Variants in ATG2A observed in about 807,000 individuals in gnomAD.
The protein encoded by ATG2A is autophagy-related protein 2 homolog A.
Under a neutral mutation model 214.2 loss-of-function variants are expected in ATG2A, and 103 were observed. The ratio of observed to expected loss-of-function variants is 0.48; its 90% CI spans 0.41 to 0.57. The LOEUF (loss-of-function observed/expected upper bound fraction) is 0.57. Among genes scored for constraint, ATG2A ranks in the 20% least tolerant of loss-of-function variants. The pLI is 0.00. For synonymous variants in ATG2A, 1,160 were observed against 1,142.1 expected (o/e 1.02, Z -0.32); for missense variants, 2,312 against 2,613.2 (o/e 0.88, Z 2.51).
rs377618342 is a variant in ATG2A at position 64,895,027 on chromosome 11, G to C, written c.5763C>G (p.Pro1921=). The C allele has an allele frequency of 5.0e-6, 8 of 1,613,084 alleles. No individual in the cohort carries two copies. In the African/African-American group the frequency reaches 1.1e-4, roughly 22 times the overall value. ...TGAGGGCGTGGTCCTTGTGGGCGTC[G>C]GGGACAATCTGGTTGCGCATGCCCC... ...LLGGMRNQIV[P]DAHKDHALKW... is the part of the protein sequence containing the mutation. The change falls in exon 41 of 41, where the codon CCC becomes CCG. Residue 1921 remains proline, a synonymous_variant. Transcript: ENST00000377264. The surrounding 1 kb of genome is among the most constrained non-coding windows in gnomAD (Gnocchi z 5.0).
Position 64,897,695 on chromosome 11 carries a change from G to T in ATG2A, c.5043C>A (p.Gly1681=). 1.2e-6 allele frequency: 2 copies of T among 1,614,260 alleles called. No individual in the cohort carries two copies. The highest frequency in any genetic ancestry group is 1.7e-5 in the Admixed American group (1 of 60,028). The change falls in exon 36 of 41, where the codon GGC becomes GGA. Residue 1681 remains glycine, a synonymous_variant. Coordinates refer to ENST00000377264, the MANE Select transcript of ATG2A (RefSeq NM_015104.3). ...SEVPIWLDYH[G]KHVTMDQVGT... ...CCACCTGGTCCATCGTGACGTGCTT[G>T]CCATGGTAATCCAGCCAGATGGGGA... is the stretch of plus-strand genomic sequence containing the variant.
rs776513162 is a variant in ATG2A at position 64,906,393 on chromosome 11, C to T, written c.3124G>A (p.Gly1042Arg). Reference sequence around the variant, plus strand: ...ACAGCAGTGGACAACATGTGGGGTCCCCGGCCCTGGCCCTTGCGGCCCGAG... The same window carrying T: ...ACAGCAGTGGACAACATGTGGGGTCTCCGGCCCTGGCCCTTGCGGCCCGAG... ...GASGRKGQGR[G>R]PHMLSTAVRI... is the part of the protein sequence containing the mutation. Residue 1042 changes from glycine to arginine, a missense_variant, in exon 21 of 41, where the codon GGA (glycine) becomes AGA (arginine). Transcript: ENST00000377264. The T allele has an allele frequency of 6.2e-7, 1 of 1,613,298 alleles. No individual in the cohort carries two copies. Among genetic ancestry groups the T allele is most frequent in the African/African-American group, 1.3e-5 (1 of 75,038 alleles).
rs369317136 is a variant in ATG2A, at chr11:64,907,486, G to A, written c.2647+39C>T. The A allele has an allele frequency of 2.7e-5, 44 of 1,611,410 alleles. No individual in the cohort carries two copies. In the East Asian group the frequency reaches 6.7e-4, roughly 25 times the overall value. On this transcript the variant is annotated intron_variant, in intron 18 of 40. Coordinates refer to ENST00000377264, the MANE Select transcript of ATG2A (RefSeq NM_015104.3). ...GCTAGCCTGGCCCTTCCCAGACCTG[G>A]GGGTCCTCCCTCTAGCCCAGCGTTA... is the stretch of plus-strand genomic sequence containing the variant.
chr11:64,913,620 G>A lies in ATG2A; in HGVS notation c.590+201C>T, dbSNP rs1944865564. The A allele has an allele frequency of 5.1e-6, 4 of 783,826 alleles. No individual in the cohort carries two copies. Among genetic ancestry groups the A allele is most frequent in the Non-Finnish European group, 7.9e-6 (4 of 503,978 alleles). The allele number at this position is 783,826 out of a possible 1,614,324, so 48.6% of individuals were successfully genotyped here. A position where few individuals can be genotyped will look rare whatever the true frequency, so the allele number is the denominator to read the frequency against. On this transcript the variant is annotated intron_variant, in intron 4 of 40. Coordinates refer to ENST00000377264, the MANE Select transcript of ATG2A (RefSeq NM_015104.3). The surrounding 1 kb of genome is among the most constrained non-coding windows in gnomAD (Gnocchi z 4.3). The stretch of plus-strand genomic sequence containing the variant: ...ATCTAACTTGGTTCTTGGGGCCTCG[G>A]CCACTCTGGGCCTGTATCACCTGGC...
At position 64,895,233 on chromosome 11, in the gene ATG2A, G is replaced by A. The variant is rs754445707; in HGVS notation, c.5581-24C>T. 1.5e-5 allele frequency: 24 copies of A among 1,612,912 alleles called. No homozygotes were observed. Among genetic ancestry groups the A allele is most frequent in the Non-Finnish European group, 1.9e-5 (22 of 1,179,736 alleles). On this transcript the variant is annotated intron_variant, in intron 40 of 40. Coordinates refer to ENST00000377264, the MANE Select transcript of ATG2A (RefSeq NM_015104.3). This position sits in a 1 kb window ranked among gnomAD's most constrained non-coding sequence, Gnocchi z 5.0. ...CCCTGTGGAAGCCAGAGGTCAGGGC[G>A]GGGTCTGTGTGAGGAGATGGGCATG...
intron 7 of ATG2A, 35 bp from the exon 8 acceptor site, chr11:64,912,284 G>GCCCGGCC: frequency 4.4e-6 from 7 of 1,602,352 alleles, no homozygotes; most frequent in Non-Finnish European, 6.0e-6. Flanking sequence ...GGGCTGGCTG[G>GCCCGGCC]CCCTCCCAGC....
chr11:64,906,878 G>A (rs2136597575), intron 19 of ATG2A, 63 bp from the exon 20 acceptor site: 1 of 1,549,124 alleles, frequency 6.5e-7, no homozygotes, highest in East Asian at 2.4e-5. Flanking sequence ...AGCCCTCTGG[G>A]GGTTGGCGGC....
Position 64,909,531 on chromosome 11 carries a change from G to A in ATG2A, c.2107+150C>T, listed in dbSNP as rs1409393721. 15 of 1,432,948 alleles carry A rather than the reference G, an allele frequency of 1.0e-5. 1 individual carries two copies. Among genetic ancestry groups the A allele is most frequent in the African/African-American group, 2.8e-5 (2 of 70,792 alleles). The allele number at this position is 1,432,948 out of a possible 1,614,324, so 88.8% of individuals were successfully genotyped here. ...CACCCTACTTGTCGGTGAGGAGGCC[G>A]GGGACAGGCAGTGCTGGGACCCCAA... On this transcript the variant is annotated intron_variant, in intron 14 of 40. Transcript: ENST00000377264.
chr11:64,911,303 C>A (rs763881160), intron 9 of ATG2A, 28 bp from the exon 10 acceptor site: 15 of 1,605,042 alleles, frequency 9.3e-6, no homozygotes, highest in Non-Finnish European at 1.3e-5. Context: ...TCAGCAGGGG[C>A]TCCCAACAGA....
In ATG2A at chr11:64,911,952, C is replaced by G. The variant is rs1372875230; in HGVS notation, c.1118G>C (p.Ser373Thr). ...DLFFSMAGLT[S>T]SVASALSELS... ...CTCAGAGAGGGCTGAGGCCACACTG[C>G]TTGTGAGGCCAGCCATGGAGAAGAA... The change falls in exon 9 of 41, where the codon AGC becomes ACC. Residue 373 changes from serine (S) to threonine (T), a missense_variant. Coordinates refer to ENST00000377264, the MANE Select transcript of ATG2A (RefSeq NM_015104.3). 10 of 1,613,526 alleles carry G rather than the reference C, an allele frequency of 6.2e-6. No individual in the cohort carries two copies. The highest frequency in any genetic ancestry group is 8.5e-6 in the Non-Finnish European group (10 of 1,179,810).
At chr11:64,907,170 G>C in intron 19 of ATG2A, 85 bp downstream of exon 19, 1 of 1,407,262 alleles carries the variant, frequency 7.1e-7, no homozygotes, top group Non-Finnish European at 9.3e-7. Flanking sequence ...CCACATTCTT[G>C]ACCTGGAGCT....
At position 64,902,591 on chromosome 11, in the gene ATG2A, G is replaced by T; in HGVS notation, c.3702C>A (p.Leu1234=). 6.2e-7 allele frequency: 1 copy of T among 1,608,720 alleles called. No homozygotes were observed. Among genetic ancestry groups the T allele is most frequent in the Admixed American group, 1.7e-5 (1 of 59,856 alleles). Residue 1234 remains leucine, a synonymous_variant, in exon 27 of 41, where the codon CTC becomes CTA. Transcript: ENST00000377264. ...ADSCALLVNL[L]QYVMSTGDLH... ...GATCGCCTGTGCTCATTACGTACTGGAGCAGGTTGACCAGCAGGGCACAGG... is the reference window on the plus strand; with the variant it reads ...GATCGCCTGTGCTCATTACGTACTGTAGCAGGTTGACCAGCAGGGCACAGG...
Position 64,898,300 on chromosome 11 carries a change from G to C in ATG2A, c.4734C>G (p.Leu1578=). The C allele has an allele frequency of 6.2e-7, 1 of 1,613,206 alleles. No homozygotes were observed. Among genetic ancestry groups the C allele is most frequent in the Non-Finnish European group, 8.5e-7 (1 of 1,179,690 alleles). The change falls in exon 33 of 41, where the codon CTC becomes CTG. Residue 1578 remains leucine, a synonymous_variant. Coordinates refer to ENST00000377264, the MANE Select transcript of ATG2A (RefSeq NM_015104.3). This position sits in a 1 kb window ranked among gnomAD's most constrained non-coding sequence, Gnocchi z 4.5. ...GCCGCAGGGGCATCAGCGAGACGCG[G>C]AGACAGCACTCAGGCCCACCCAGGT... ...TTNLGGPECC[L]RVSLMPLRLN...
chr11:64,910,295 C>A, intron 12 of ATG2A, 100 bp from the exon 13 acceptor site: 1 of 1,466,738 alleles, frequency 6.8e-7, no homozygotes, highest in African/African-American at 1.4e-5. Context: ...GGGGCAGGGG[C>A]CACGAGAGCA....
At chr11:64,901,236 T>G (rs1590629454) in intron 29 of ATG2A, 144 bp from the exon 30 acceptor site, 2 of 787,806 alleles carry the variant, frequency 2.5e-6, no homozygotes, top group East Asian at 5.6e-5. Flanking sequence ...CAGGCTGGAG[T>G]GCAGTGGCAC....
chr11:64,911,166 G>A lies in ATG2A; in HGVS notation c.1338C>T (p.Ser446=), dbSNP rs1303768949. The A allele has an allele frequency of 8.1e-6, 13 of 1,614,046 alleles. No homozygotes were observed. Among genetic ancestry groups the A allele is most frequent in the African/African-American group, 1.3e-5 (1 of 74,926 alleles). ...LTLLQTSAPS[S]GPPDLATHFF... The stretch of plus-strand genomic sequence containing the variant: ...AGTGCGTGGCGAGGTCAGGTGGTCC[G>A]GAAGATGGGGCAGACGTCTGAAGCA... The change falls in exon 10 of 41, where the codon TCC becomes TCT. Residue 446 remains serine (S), a synonymous_variant. Coordinates refer to ENST00000377264, the MANE Select transcript of ATG2A (RefSeq NM_015104.3).
intron 12 of ATG2A, 126 bp downstream of exon 12, chr11:64,910,490 G>T: frequency 8.4e-7 from 1 of 1,196,428 alleles, no homozygotes; most frequent in Non-Finnish European, 1.2e-6. Flanking sequence ...GAGGGCCCCA[G>T]CATGGAGAGA....
In ATG2A at chr11:64,895,232, C is replaced by G. The variant is rs765947965; in HGVS notation, c.5581-23G>C. Reference sequence around the variant, plus strand: ...GCCCTGTGGAAGCCAGAGGTCAGGGCGGGGTCTGTGTGAGGAGATGGGCAT... The same window carrying G: ...GCCCTGTGGAAGCCAGAGGTCAGGGGGGGGTCTGTGTGAGGAGATGGGCAT... On this transcript the variant is annotated intron_variant, in intron 40 of 40. Coordinates refer to ENST00000377264, the MANE Select transcript of ATG2A (RefSeq NM_015104.3). The surrounding 1 kb of genome is among the most constrained non-coding windows in gnomAD (Gnocchi z 5.0). The G allele has an allele frequency of 1.2e-6, 2 of 1,612,610 alleles. No homozygotes were observed. Among genetic ancestry groups the G allele is most frequent in the Non-Finnish European group, 1.7e-6 (2 of 1,179,612 alleles).
Position 64,913,340 on chromosome 11 carries a change from GATGC to G in ATG2A, c.648_651del (p.His217SerfsTer44). 1 of 1,606,330 alleles carries G rather than the reference GATGC, an allele frequency of 6.2e-7. No homozygotes were observed. Among genetic ancestry groups the G allele is most frequent in the Non-Finnish European group, 8.5e-7 (1 of 1,177,530 alleles). On this transcript the variant is annotated frameshift_variant, in exon 5 of 41. Coordinates refer to ENST00000377264, the MANE Select transcript of ATG2A (RefSeq NM_015104.3). LOFTEE classifies it high-confidence loss of function. This position sits in a 1 kb window ranked among gnomAD's most constrained non-coding sequence, Gnocchi z 4.3. ...AGCTTGTGCAGGAAGGCAGGCGGCT[GATGC>G]ACGTCCACCGGCGGCGCCTGGCTTG...
Sources: gnomAD v4.1 joint callset for allele counts on GRCh38, gnomAD v4.1.1 for gene constraint, Gnocchi (gnomAD v3.1) non-coding constraint, MANE v1.5 for transcripts, NCBI Gene and HGNC (gene_info 2026-07-23, HGNC 2026-07-21) for gene names.